Variants in PTK2B observed in about 807,000 individuals in gnomAD.
PTK2B encodes protein tyrosine kinase 2 beta.
A neutral mutation model predicts 142.9 loss-of-function variants in PTK2B; 71 were observed. The ratio of observed to expected loss-of-function variants is 0.50; its 90% CI spans 0.41 to 0.61. The LOEUF (loss-of-function observed/expected upper bound fraction) is 0.61. Among genes scored for constraint, PTK2B ranks in the 20% least tolerant of loss-of-function variants. The probability of loss-of-function intolerance (pLI) is 0.00; values close to 1 mark genes in which losing one functional copy is unlikely to be tolerated. For missense variants in PTK2B, 1,105 were observed against 1,320.4 expected (o/e 0.84, Z 2.53); for synonymous variants, 519 against 503.4 (o/e 1.03, Z -0.42).
chr8:27,359,699 A>G (rs1362568505), intron 1 of PTK2B, among the ~76,000 whole-genome samples: 1 of 152,182 alleles, frequency 6.6e-6, no homozygotes, highest in African/African-American at 2.4e-5. Flanking sequence ...TGTAAGTAGA[A>G]TGACACAGGT....
In PTK2B at chr8:27,431,523, C is replaced by T. The variant is rs147174527; in HGVS notation, c.885+51C>T. 2,297 of 1,607,698 alleles carry T rather than the reference C, an allele frequency of 1.4e-3. 46 individuals carry two copies. In the East Asian group the frequency reaches 0.039, roughly 27 times the overall value. ...CCAGCCCCAGGCGGGGAGGTCGTCC[C>T]CTCTCTGCTGCCTCCCGCCCTGTCT... On this transcript the variant is annotated intron_variant, in intron 9 of 30. Coordinates refer to ENST00000346049, the MANE Select transcript of PTK2B (RefSeq NM_173176.3).
chr8:27,410,310 G>A (rs776268312), intron 2 of PTK2B, among the ~76,000 whole-genome samples: 8 of 151,992 alleles, frequency 5.3e-5, no homozygotes, highest in Admixed American at 1.3e-4. Context: ...AAGTTGGGCT[G>A]CGATGCAGCC....
chr8:27,422,637 C>T (rs1407848243), intron 5 of PTK2B, among the ~76,000 whole-genome samples: 1 of 152,218 alleles, frequency 6.6e-6, no homozygotes, highest in Admixed American at 6.5e-5. Flanking sequence ...TGCCTGCAGG[C>T]TGCTGGCTTC....
intron 1 of PTK2B, among the ~76,000 whole-genome samples, chr8:27,361,551 G>A (rs1805705791): frequency 6.6e-6 from 1 of 152,122 alleles, no homozygotes; most frequent in South Asian, 2.1e-4. Flanking sequence ...AGGAAAGAGC[G>A]AGCCCTGGAC....
rs1810475507 is a variant in PTK2B at position 27,432,202 on chromosome 8, C to CT, written c.886-57dup. 2.0e-6 allele frequency: 3 copies of CT among 1,532,314 alleles called. No homozygotes were observed. In the South Asian group the frequency reaches 3.5e-5, roughly 18 times the overall value. The allele number at this position is 1,532,314 out of a possible 1,614,324, so 94.9% of individuals were successfully genotyped here. On this transcript the variant is annotated intron_variant, in intron 9 of 30. Coordinates refer to ENST00000346049, the MANE Select transcript of PTK2B (RefSeq NM_173176.3). The stretch of plus-strand genomic sequence containing the variant: ...CCCCGGCTCCCCCATACTGACCAAT[C>CT]TGCATGGCCTAGTCCTGGTAGTGGG...
chr8:27,454,892 C>T (rs1812054426), intron 30 of PTK2B, among the ~76,000 whole-genome samples: 1 of 152,200 alleles, frequency 6.6e-6, no homozygotes, highest in Non-Finnish European at 1.5e-5. Context: ...TTCCTTTCCC[C>T]CCTCCTATTA....
chr8:27,360,761 G>A (rs1184919897), intron 1 of PTK2B, among the ~76,000 whole-genome samples: 2 of 152,174 alleles, frequency 1.3e-5, no homozygotes, highest in African/African-American at 4.8e-5. Flanking sequence ...ATTTCACCTG[G>A]GATCTTTTCA....
At chr8:27,429,611 T>C (rs1165865633) in intron 5 of PTK2B, among the ~76,000 whole-genome samples, 2 of 152,224 alleles carry the variant, frequency 1.3e-5, no homozygotes, top group Admixed American at 1.3e-4. Flanking sequence ...CTTCTGTAAG[T>C]CCTAAAGTTT....
At chr8:27,389,461 G>A (rs892565098) in intron 1 of PTK2B, among the ~76,000 whole-genome samples, 2 of 152,186 alleles carry the variant, frequency 1.3e-5, no homozygotes, top group Non-Finnish European at 2.9e-5. Flanking sequence ...CTGGCTAGCT[G>A]CAGGGATCAA....
intron 28 of PTK2B, 128 bp downstream of exon 28, chr8:27,453,288 G>A: frequency 1.5e-6 from 2 of 1,302,484 alleles, no homozygotes; most frequent in South Asian, 2.6e-5. Flanking sequence ...TACAGATGAA[G>A]CCCGGGGTTA....
intron 8 of PTK2B, 56 bp from the exon 9 acceptor site, chr8:27,431,342 T>G: frequency 6.2e-7 from 1 of 1,613,124 alleles, no homozygotes; most frequent in Non-Finnish European, 8.5e-7. Context: ...TCTTCAAGTT[T>G]CTGAAGAATG....
chr8:27,418,281 C>T (rs988051112), intron 2 of PTK2B, among the ~76,000 whole-genome samples: 4 of 152,218 alleles, frequency 2.6e-5, no homozygotes, highest in Non-Finnish European at 5.9e-5. Flanking sequence ...AGGCAGTTAG[C>T]CCGAGACAGA....
rs183613406 is a variant in PTK2B, at chr8:27,400,789, C to T, written c.204+3001C>T. On this transcript the variant is annotated intron_variant, in intron 2 of 30. Transcript: ENST00000346049. ...TTAAAGTGTTTATGAAACACCCCCACGGAGGAGCGTGGGTCTGGAGCTCAG... is the reference window on the plus strand; with the variant it reads ...TTAAAGTGTTTATGAAACACCCCCATGGAGGAGCGTGGGTCTGGAGCTCAG... 2.4e-4 allele frequency among the ~76,000 whole-genome samples: 37 copies of T among 152,258 alleles called. 1 individual carries two copies. The highest frequency in any genetic ancestry group is 3.4e-3 in the Middle Eastern group (1 of 294).
At chr8:27,339,790 C>T (rs563845045) in intron 1 of PTK2B, among the ~76,000 whole-genome samples, 1 of 152,172 alleles carries the variant, frequency 6.6e-6, no homozygotes, top group African/African-American at 2.4e-5. Flanking sequence ...CTTTCCTTTA[C>T]TGATGGTGGT....
chr8:27,394,883 C>A (rs768772948), intron 1 of PTK2B, among the ~76,000 whole-genome samples: 16 of 152,030 alleles, frequency 1.1e-4, no homozygotes, highest in Non-Finnish European at 2.4e-4. Context: ...GACACAAACA[C>A]ACACATTAGC....
At chr8:27,397,281 A>C (rs1409255758) in intron 1 of PTK2B, among the ~76,000 whole-genome samples, 1 of 152,190 alleles carries the variant, frequency 6.6e-6, no homozygotes, top group African/African-American at 2.4e-5. Flanking sequence ...GGAATGGGTC[A>C]GAGAGAGGGG....
intron 1 of PTK2B, among the ~76,000 whole-genome samples, chr8:27,372,470 A>AGCCTTTTGTTCTATTTAG (rs1806419995): frequency 6.6e-6 from 1 of 152,162 alleles, no homozygotes; most frequent in South Asian, 2.1e-4. Context: ...CAGGGGGGTC[A>AGCCTTTTGTTCTATTTAG]GCCTTTTGTT....
chr8:27,386,232 A>T (rs1203505063), intron 1 of PTK2B, among the ~76,000 whole-genome samples: 1 of 152,058 alleles, frequency 6.6e-6, no homozygotes, highest in African/African-American at 2.4e-5. Context: ...TTTGATTCTC[A>T]TTATTTCACT....
chr8:27,367,350 C>G (rs543105338), intron 1 of PTK2B, among the ~76,000 whole-genome samples: 2 of 152,294 alleles, frequency 1.3e-5, no homozygotes, highest in East Asian at 3.9e-4. Flanking sequence ...ACAAAAAGTC[C>G]AGAAAGTCCA....
Sources: allele counts gnomAD v4.1 joint callset (sites outside exome capture counted in the v4.1 genomes callset), GRCh38; gene constraint gnomAD v4.1.1; transcripts MANE v1.5; gene names NCBI Gene and HGNC (gene_info 2026-07-23, HGNC 2026-07-21).